RGL1: variants seen among roughly 807,000 people sequenced by gnomAD.
RGL1 encodes ral guanine nucleotide dissociation stimulator-like 1.
A neutral mutation model predicts 95.2 loss-of-function variants in RGL1; 24 were observed. That is an observed-to-expected ratio of 0.25 (90% CI 0.18 to 0.35). The LOEUF is 0.35. Ranked by LOEUF, RGL1 falls within the 10% of genes least tolerant of loss-of-function variation. The pLI is 1.00. For synonymous variants in RGL1, 329 were observed against 344.9 expected, an observed-to-expected ratio of 0.95 and a Z score of 0.51; for missense variants, 715 against 936.3, an observed-to-expected ratio of 0.76 and a Z score of 3.08.
intron 4 of RGL1, among the ~76,000 whole-genome samples, chr1:183,876,140 C>G (rs768715026): frequency 7.9e-5 from 12 of 152,182 alleles, no homozygotes; most frequent in Non-Finnish European, 1.3e-4. Flanking sequence ...CAGTGCTTCC[C>G]TGGGACCCTG....
chr1:183,898,213 ACTT>A (rs1667812668), intron 10 of RGL1, among the ~76,000 whole-genome samples: 1 of 152,162 alleles, frequency 6.6e-6, no homozygotes, highest in African/African-American at 2.4e-5. Context: ...CCCCTCCTGC[ACTT>A]AGAAGCTGCT....
At chr1:183,909,753 C>T (rs1021225176) in intron 14 of RGL1, among the ~76,000 whole-genome samples, 31 of 152,086 alleles carry the variant, frequency 2.0e-4, no homozygotes, top group African/African-American at 7.2e-4. Flanking sequence ...ATTTTATAGT[C>T]AGTACTTGTT....
chr1:183,701,010 G>A (rs1310704801), intron 1 of RGL1, among the ~76,000 whole-genome samples: 2 of 152,098 alleles, frequency 1.3e-5, no homozygotes, highest in Admixed American at 1.3e-4. Context: ...GTGGTGTTTC[G>A]TTTTCTGTTC....
chr1:183,829,564 A>G (rs537931689), intron 2 of RGL1, among the ~76,000 whole-genome samples: 1 of 152,230 alleles, frequency 6.6e-6, no homozygotes, highest in East Asian at 1.9e-4. Flanking sequence ...TTCTTCATGT[A>G]AACTCATTCA....
At chr1:183,662,334 C>T (rs1484943373) in intron 1 of RGL1, among the ~76,000 whole-genome samples, 6 of 151,742 alleles carry the variant, frequency 4.0e-5, no homozygotes. Context: ...CCCAAAATCT[C>T]CTTAAGCTGA....
chr1:183,707,873 A>T (rs373613082), intron 1 of RGL1, among the ~76,000 whole-genome samples: 2 of 151,704 alleles, frequency 1.3e-5, no homozygotes, highest in East Asian at 3.9e-4. Context: ...ACAAGGAAAA[A>T]GAGGTGGGGT....
intron 2 of RGL1, among the ~76,000 whole-genome samples, chr1:183,826,708 A>G (rs1662888215): frequency 6.6e-6 from 1 of 152,178 alleles, no homozygotes; most frequent in Non-Finnish European, 1.5e-5. Flanking sequence ...TGGCCTACTG[A>G]GCTGTAAATG....
chr1:183,689,177 A>G (rs972529745), intron 1 of RGL1, among the ~76,000 whole-genome samples: 12 of 152,200 alleles, frequency 7.9e-5, no homozygotes, highest in African/African-American at 2.9e-4. Context: ...AACCCACAAT[A>G]CTAAATTTAT....
At chr1:183,898,110 G>A (rs936110308) in intron 10 of RGL1, among the ~76,000 whole-genome samples, 12 of 152,168 alleles carry the variant, frequency 7.9e-5, no homozygotes, top group African/African-American at 2.9e-4. Flanking sequence ...GTAAGCACTG[G>A]GTGGCAAATC....
In RGL1 at chr1:183,654,232, A is replaced by G. The variant is rs567520166; in HGVS notation, c.-33+17731A>G. 3.9e-5 allele frequency among the ~76,000 whole-genome samples: 6 copies of G among 152,170 alleles called. No homozygotes were observed. In the South Asian group the frequency reaches 1.0e-3, roughly 26 times the overall value. On this transcript the variant is annotated intron_variant, in intron 1 of 18. Transcript: ENST00000304685. ...TCTCCTAAGGGCCTCAGGTGTATTCATGAACTCCTCAGCTGGTTATTTTCA... is the reference window on the plus strand; with the variant it reads ...TCTCCTAAGGGCCTCAGGTGTATTCGTGAACTCCTCAGCTGGTTATTTTCA...
intron 1 of RGL1, among the ~76,000 whole-genome samples, chr1:183,683,468 T>C (rs1240620759): frequency 6.6e-6 from 1 of 152,236 alleles, no homozygotes; most frequent in Non-Finnish European, 1.5e-5. Context: ...AAAATTCTTT[T>C]CTTTAAGAAT....
At chr1:183,753,187 T>C (rs2102287909) in intron 2 of RGL1, among the ~76,000 whole-genome samples, 1 of 152,322 alleles carries the variant, frequency 6.6e-6, no homozygotes, top group South Asian at 2.1e-4. Flanking sequence ...TGAGTTGCAT[T>C]CTTATTAATC....
At chr1:183,860,463 T>G (rs922691337) in intron 3 of RGL1, among the ~76,000 whole-genome samples, 1 of 152,126 alleles carries the variant, frequency 6.6e-6, no homozygotes, top group Non-Finnish European at 1.5e-5. Flanking sequence ...CTATTCACGC[T>G]CACTCAGCTC....
At chr1:183,801,597 C>A (rs2102403039), upstream of RGL1, among the ~76,000 whole-genome samples, 1 of 152,260 alleles carries the variant, frequency 6.6e-6, no homozygotes, top group East Asian at 1.9e-4. Context: ...AGCTTTCCCC[C>A]TATATTTTTA....
At chr1:183,809,946 G>C (rs996148290) in intron 2 of RGL1, among the ~76,000 whole-genome samples, 11 of 151,932 alleles carry the variant, frequency 7.2e-5, no homozygotes, top group Admixed American at 1.3e-4. Flanking sequence ...GAGAGAGTGA[G>C]ACTCTGTCTC....
chr1:183,811,213 T>C (rs538151406), intron 2 of RGL1, among the ~76,000 whole-genome samples: 2 of 152,330 alleles, frequency 1.3e-5, no homozygotes, highest in South Asian at 2.1e-4. Context: ...AAGGTATCAA[T>C]TATTCATTTT....
intron 3 of RGL1, among the ~76,000 whole-genome samples, chr1:183,859,629 G>A (rs553663662): frequency 5.9e-5 from 9 of 152,268 alleles, no homozygotes; most frequent in Admixed American, 5.9e-4. Flanking sequence ...TAGAGGTGAG[G>A]AGGGCAGCTT....
chr1:183,780,436 A>G (rs1382086766), intron 2 of RGL1, among the ~76,000 whole-genome samples: 2 of 152,200 alleles, frequency 1.3e-5, no homozygotes, highest in Non-Finnish European at 2.9e-5. Context: ...CTGGGCAGGA[A>G]GTTTGCTTCC....
At chr1:183,859,796 T>A (rs557146286) in intron 3 of RGL1, among the ~76,000 whole-genome samples, 1 of 152,314 alleles carries the variant, frequency 6.6e-6, no homozygotes, top group East Asian at 1.9e-4. Context: ...GTTTTTGACC[T>A]TTGTCTTTCC....
Sources: gnomAD v4.1 joint callset for allele counts (sites outside exome capture counted in the v4.1 genomes callset) on GRCh38, gnomAD v4.1.1 for gene constraint, MANE v1.5 for transcripts, NCBI Gene and HGNC (gene_info 2026-07-23, HGNC 2026-07-21) for gene names.